Variants in GAN observed in about 807,000 individuals in gnomAD.
GAN encodes epididymis secretory sperm binding protein.
A neutral mutation model predicts 71.3 loss-of-function variants in GAN; 48 were observed. The ratio of observed to expected loss-of-function variants is 0.67; its 90% CI spans 0.53 to 0.86. The LOEUF (loss-of-function observed/expected upper bound fraction) is 0.86, where lower values mean the gene tolerates loss of function less well. Ranked by LOEUF, GAN falls within the 40% of genes least tolerant of loss-of-function variation. The probability of loss-of-function intolerance (pLI) is 0.00; values close to 1 mark genes in which losing one functional copy is unlikely to be tolerated. For missense variants in GAN, 928 were observed against 770.1 expected, an observed-to-expected ratio of 1.21 and a Z score of -2.43; for synonymous variants, 386 against 276.8, an observed-to-expected ratio of 1.39 and a Z score of -3.92.
At chr16:81,334,484 G>C (rs916801757) in intron 1 of GAN, among the ~76,000 whole-genome samples, 1 of 152,178 alleles carries the variant, frequency 6.6e-6, no homozygotes. Flanking sequence ...ATGTGGTATT[G>C]AGTAGTGAGC....
chr16:81,351,690 G>C lies in GAN; in HGVS notation c.275G>C (p.Ser92Thr). The part of the protein sequence containing the change: ...VMREILDYIF[S>T]GQIRLNEDTI... ...AGAGAGATCCTGGATTACATCTTCAGTGGGCAGGTATGATGAGAAACAAAG... is the reference window on the plus strand; with the variant it reads ...AGAGAGATCCTGGATTACATCTTCACTGGGCAGGTATGATGAGAAACAAAG... The change falls in exon 2 of 11, where the codon AGT (serine) becomes ACT (threonine). Residue 92 changes from serine (S) to threonine (T), a missense_variant. Coordinates refer to ENST00000648994, the MANE Select transcript of GAN (RefSeq NM_022041.4). 1.4e-6 allele frequency: 2 copies of C among 1,411,622 alleles called. No individual in the cohort carries two copies. The highest frequency in any genetic ancestry group is 2.0e-6 in the Non-Finnish European group (2 of 995,004). 87.4% of individuals were successfully genotyped at this position (1,411,622 alleles called of 1,614,324 possible).
intron 3 of GAN, among the ~76,000 whole-genome samples, chr16:81,356,208 G>A (rs548952237): frequency 1.3e-4 from 19 of 151,220 alleles, no homozygotes; most frequent in East Asian, 1.9e-4. Flanking sequence ...AAATACTTTC[G>A]TCAGTTCAAA....
chr16:81,335,184 CA>C, intron 1 of GAN, among the ~76,000 whole-genome samples: 1 of 151,464 alleles, frequency 6.6e-6, no homozygotes, highest in Non-Finnish European at 1.5e-5. Context: ...GGGAGGAGGT[CA>C]GGACAAGCTG....
In GAN at chr16:81,387,021, G is replaced by C. The variant is rs1904422498; in HGVS notation, c.*9425G>C. ...GAAGTCGGCTGAATAGCCAGGTTCAGACAGTGTTGGCAAGAACGGATCTTT... is the reference window on the plus strand; with the variant it reads ...GAAGTCGGCTGAATAGCCAGGTTCACACAGTGTTGGCAAGAACGGATCTTT... On this transcript the variant is annotated 3_prime_UTR_variant, in exon 11 of 11. Coordinates refer to ENST00000648994, the MANE Select transcript of GAN (RefSeq NM_022041.4). 1 of 152,252 alleles carries C rather than the reference G, an allele frequency of 6.6e-6. No individual in the cohort carries two copies. The highest frequency in any genetic ancestry group is 2.4e-5 in the African/African-American group (1 of 41,464). The allele number at this position is 152,252 out of a possible 1,614,324, so 9.4% of individuals were successfully genotyped here.
In GAN at chr16:81,345,977, C is replaced by G. The variant is rs1177034854; in HGVS notation, c.168-5606C>G. On this transcript the variant is annotated intron_variant, in intron 1 of 10. Coordinates refer to ENST00000648994, the MANE Select transcript of GAN (RefSeq NM_022041.4). ...ATAGGGTTCGTGCTCCTATGAGAAT[C>G]TAATGCCACATGCGCAAGCAAGTAC... 2.6e-5 allele frequency among the ~76,000 whole-genome samples: 4 copies of G among 152,180 alleles called. No homozygotes were observed. In the South Asian group the frequency reaches 6.2e-4, roughly 24 times the overall value.
At chr16:81,341,047 C>G (rs1191925618) in intron 1 of GAN, among the ~76,000 whole-genome samples, 1 of 151,380 alleles carries the variant, frequency 6.6e-6, no homozygotes, top group Admixed American at 6.6e-5. Context: ...ATATCAGTGA[C>G]TGAAGATCAG....
chr16:81,353,180 A>G (rs1910358127), intron 2 of GAN, among the ~76,000 whole-genome samples: 1 of 151,318 alleles, frequency 6.6e-6, no homozygotes, highest in African/African-American at 2.4e-5. Context: ...AGTCCCGGCT[A>G]CTCGGGAGGC....
intron 9 of GAN, among the ~76,000 whole-genome samples, chr16:81,365,835 G>A (rs1364136283): frequency 3.3e-5 from 5 of 151,978 alleles, no homozygotes; most frequent in Non-Finnish European, 2.9e-5. Flanking sequence ...GATTGCTTGA[G>A]CCCAGGAGTT....
At chr16:81,327,612 GCATAAAATCTTCCTTGTAACTCTCTA>G (rs534565373) in intron 1 of GAN, among the ~76,000 whole-genome samples, 218 of 150,620 alleles carry the variant, frequency 1.4e-3, no homozygotes, top group African/African-American at 5.3e-3. Flanking sequence ...CTTTGAAAAG[GCATAAAATCTTCCTTGTAACTCTCTA>G]CATTGGGAAA....
chr16:81,379,792 G>A lies in GAN; in HGVS notation c.*2196G>A, dbSNP rs1490921667. The A allele has an allele frequency of 6.6e-6, 1 of 151,818 alleles. No individual in the cohort carries two copies. Among genetic ancestry groups the A allele is most frequent in the Non-Finnish European group, 1.5e-5 (1 of 67,962 alleles). The allele number at this position is 151,818 out of a possible 1,614,324, so 9.4% of individuals were successfully genotyped here. On this transcript the variant is annotated 3_prime_UTR_variant, in exon 11 of 11. Coordinates refer to ENST00000648994, the MANE Select transcript of GAN (RefSeq NM_022041.4). Reference sequence around the variant, plus strand: ...CCTTTTTTAATTTCTGATATTTAAAGTTTTTTTTCCAGTCTACACCAGGCC... The same window carrying A: ...CCTTTTTTAATTTCTGATATTTAAAATTTTTTTTCCAGTCTACACCAGGCC...
chr16:81,344,315 C>G (rs1352447434), intron 1 of GAN, among the ~76,000 whole-genome samples: 1 of 152,042 alleles, frequency 6.6e-6, no homozygotes, highest in Non-Finnish European at 1.5e-5. Context: ...GAACCCTGGA[C>G]AAGAAGAACA....
chr16:81,352,750 G>GT (rs1339037536), intron 2 of GAN, among the ~76,000 whole-genome samples: 2 of 152,188 alleles, frequency 1.3e-5, no homozygotes, highest in East Asian at 3.8e-4. Context: ...GGGTGGGTGT[G>GT]TACGTGTATG....
chr16:81,354,285 A>C, intron 2 of GAN, 120 bp from the exon 3 acceptor site: 1 of 729,574 alleles, frequency 1.4e-6, no homozygotes, highest in East Asian at 2.6e-5. Context: ...GAAATTGCCA[A>C]TATTCGATTA....
intron 1 of GAN, among the ~76,000 whole-genome samples, chr16:81,333,670 C>T (rs995561055): frequency 6.6e-6 from 1 of 152,152 alleles, no homozygotes; most frequent in East Asian, 1.9e-4. Flanking sequence ...AAAAGTTTGT[C>T]AGTTCCTCAA....
intron 1 of GAN, among the ~76,000 whole-genome samples, chr16:81,320,355 C>T (rs368850139): frequency 3.1e-4 from 47 of 152,138 alleles, no homozygotes; most frequent in Admixed American, 1.4e-3. Context: ...CCCCAGTTTA[C>T]TTTTGTTGAT....
chr16:81,378,331 A>G lies in GAN; in HGVS notation c.*735A>G, dbSNP rs917280123. 8 of 153,054 alleles carry G rather than the reference A, an allele frequency of 5.2e-5. No individual in the cohort carries two copies. The highest frequency in any genetic ancestry group is 1.2e-4 in the African/African-American group (5 of 41,584). 9.5% of individuals were successfully genotyped at this position (153,054 alleles called of 1,614,324 possible). Reference sequence around the variant, plus strand: ...TGACTTAGATCAAGACACGTCACGCATCCTTTCTGGGGTAGTACCTGTGGA... The same window carrying G: ...TGACTTAGATCAAGACACGTCACGCGTCCTTTCTGGGGTAGTACCTGTGGA... On this transcript the variant is annotated 3_prime_UTR_variant, in exon 11 of 11. Transcript: ENST00000648994.
Position 81,384,113 on chromosome 16 carries a change from T to C in GAN, c.*6517T>C, listed in dbSNP as rs774683513. The C allele has an allele frequency of 7.9e-5, 12 of 152,084 alleles. No homozygotes were observed. Among genetic ancestry groups the C allele is most frequent in the Non-Finnish European group, 1.3e-4 (9 of 68,014 alleles). 9.4% of individuals were successfully genotyped at this position (152,084 alleles called of 1,614,324 possible). ...ATTGGATGAGAATTACATGCACTTA[T>C]TCAGTTGTTCTTTGTGTTTATAGGA... On this transcript the variant is annotated 3_prime_UTR_variant, in exon 11 of 11. Transcript: ENST00000648994.
chr16:81,365,528 T>A (rs1249880682), intron 9 of GAN, 50 bp downstream of exon 9: 2 of 1,572,810 alleles, frequency 1.3e-6, no homozygotes, highest in Non-Finnish European at 1.7e-6. Flanking sequence ...CTTTGTGCTT[T>A]CAGTCGTATT....
chr16:81,373,307 A>C (rs375129838), intron 9 of GAN, among the ~76,000 whole-genome samples: 2 of 152,194 alleles, frequency 1.3e-5, no homozygotes, highest in African/African-American at 4.8e-5. Context: ...ATGCATTCCC[A>C]AGGTCCTCCT....
Sources: gnomAD v4.1 joint callset for allele counts (sites outside exome capture counted in the v4.1 genomes callset) on GRCh38, gnomAD v4.1.1 for gene constraint, MANE v1.5 for transcripts, NCBI Gene and HGNC (gene_info 2026-07-23, HGNC 2026-07-21) for gene names.